The following LEF1 variants were observed in gnomAD, a reference collection of about 807,000 sequenced individuals.
The protein encoded by LEF1 is lymphoid enhancer-binding factor 1.
LEF1 carries 14 observed loss-of-function variants against 51.2 expected under a neutral mutation model. The observed-to-expected ratio is 0.27, with a 90% CI of 0.18 to 0.43. The LOEUF is 0.43. Among genes scored for constraint, LEF1 ranks in the 20% least tolerant of loss-of-function variants. The pLI, the probability that LEF1 is intolerant of heterozygous loss-of-function variation, is 1.00. For missense variants in LEF1, 386 were observed against 512.0 expected, an observed-to-expected ratio of 0.75 and a Z score of 2.37; for synonymous variants, 185 against 183.2, an observed-to-expected ratio of 1.01 and a Z score of -0.08.
intron 6 of LEF1, 121 bp downstream of exon 6, chr4:108,081,465 A>G: frequency 1.4e-6 from 1 of 727,676 alleles, no homozygotes. Flanking sequence ...CACTGCACAG[A>G]CAGACACATG....
chr4:108,091,092 T>C (rs886847653), intron 3 of LEF1, among the ~76,000 whole-genome samples: 1 of 152,186 alleles, frequency 6.6e-6, no homozygotes, highest in Non-Finnish European at 1.5e-5. Context: ...AAGATCTTAC[T>C]ATATTATTGA....
At chr4:108,078,867 A>ATGT (rs765585944) in intron 7 of LEF1, among the ~76,000 whole-genome samples, 3 of 152,154 alleles carry the variant, frequency 2.0e-5, no homozygotes, top group Non-Finnish European at 2.9e-5. Context: ...AAACAAATGC[A>ATGT]TGTTGCCTTT....
intron 3 of LEF1, among the ~76,000 whole-genome samples, chr4:108,159,993 T>A (rs1744967148): frequency 6.6e-6 from 1 of 152,238 alleles, no homozygotes; most frequent in South Asian, 2.1e-4. Flanking sequence ...TGTGGTTTGA[T>A]GTGACTGAGC....
chr4:108,148,554 G>T (rs1365559436), intron 3 of LEF1, among the ~76,000 whole-genome samples: 2 of 152,156 alleles, frequency 1.3e-5, no homozygotes, highest in Non-Finnish European at 2.9e-5. Context: ...CTCAGCTGTG[G>T]ATGTTTGCAC....
At chr4:108,109,840 T>C (rs1741412500) in intron 3 of LEF1, among the ~76,000 whole-genome samples, 1 of 152,116 alleles carries the variant, frequency 6.6e-6, no homozygotes, top group South Asian at 2.1e-4. Context: ...CAGGCTGAGA[T>C]GGGAGGCTCT....
At chr4:108,143,068 A>C (rs147866735) in intron 3 of LEF1, among the ~76,000 whole-genome samples, 1 of 152,334 alleles carries the variant, frequency 6.6e-6, no homozygotes, top group East Asian at 1.9e-4. Flanking sequence ...TGAAACACCA[A>C]GTAATTGGCG....
At position 108,113,970 on chromosome 4, in the gene LEF1, A is replaced by AGTTT. The variant is rs773641455; in HGVS notation, c.415-24714_415-24713insAAAC. 2.1e-3 allele frequency among the ~76,000 whole-genome samples: 324 copies of AGTTT among 152,382 alleles called. 3 individuals carry two copies. The highest frequency in any genetic ancestry group is 0.01 in the Middle Eastern group (3 of 294). Reference sequence around the variant, plus strand: ...ATATGAAGACAAAGAATAAAAAATAAACACATAAGTTTAAAGCAATCTGGA... The same window carrying AGTTT: ...ATATGAAGACAAAGAATAAAAAATAAGTTTACACATAAGTTTAAAGCAATCTGGA... On this transcript the variant is annotated intron_variant, in intron 3 of 11. Coordinates refer to ENST00000265165, the MANE Select transcript of LEF1 (RefSeq NM_016269.5).
intron 11 of LEF1, among the ~76,000 whole-genome samples, chr4:108,059,885 A>G (rs1026736032): frequency 1.3e-5 from 2 of 152,144 alleles, no homozygotes. Flanking sequence ...GGATCTTGCC[A>G]TGTTGCTCAG....
rs778164232 is a variant in LEF1, at chr4:108,083,373, G to T, written c.621C>A (p.Ile207=). 150 of 1,612,538 alleles carry T rather than the reference G, an allele frequency of 9.3e-5. No individual in the cohort carries two copies. Among genetic ancestry groups the T allele is most frequent in the Admixed American group, 1.3e-4 (8 of 59,994 alleles). ...YPLSPGGVGQ[I]TPPLGWQGQP... ...GTTCTTACCAGCCAAGAGGTGGGGT[G>T]ATCTGTCCAACACCACCCGGAGACA... The change falls in exon 5 of 12, where the codon ATC becomes ATA. Residue 207 remains isoleucine (I), a synonymous_variant. Coordinates refer to ENST00000265165, the MANE Select transcript of LEF1 (RefSeq NM_016269.5).
chr4:108,133,320 T>C (rs1743027418), intron 3 of LEF1, among the ~76,000 whole-genome samples: 1 of 152,124 alleles, frequency 6.6e-6, no homozygotes, highest in South Asian at 2.1e-4. Flanking sequence ...TAAATGAGAG[T>C]TTATCATGTA....
intron 3 of LEF1, among the ~76,000 whole-genome samples, chr4:108,152,099 T>TA (rs1413547574): frequency 6.6e-6 from 1 of 152,140 alleles, no homozygotes; most frequent in Non-Finnish European, 1.5e-5. Context: ...AGGGAGGACT[T>TA]ATGAGGACCC....
chr4:108,121,088 A>C (rs1742151813), intron 3 of LEF1, among the ~76,000 whole-genome samples: 1 of 152,192 alleles, frequency 6.6e-6, no homozygotes, highest in Admixed American at 6.5e-5. Context: ...CCATCTCATC[A>C]CTAGAATATT....
intron 3 of LEF1, among the ~76,000 whole-genome samples, chr4:108,114,403 G>A (rs1350712070): frequency 1.3e-5 from 2 of 152,140 alleles, no homozygotes; most frequent in East Asian, 3.8e-4. Context: ...CATCATCACA[G>A]TCAAAACAGC....
intron 3 of LEF1, among the ~76,000 whole-genome samples, chr4:108,156,319 C>A (rs1744697132): frequency 6.6e-6 from 1 of 152,194 alleles, no homozygotes; most frequent in African/African-American, 2.4e-5. Context: ...ACTCTATATT[C>A]TATAAGGAGT....
intron 3 of LEF1, among the ~76,000 whole-genome samples, chr4:108,098,392 T>C (rs1740527692): frequency 6.6e-6 from 1 of 152,108 alleles, no homozygotes; most frequent in Non-Finnish European, 1.5e-5. Context: ...GTCCCACAGT[T>C]ACCCAGATAC....
rs1578419371 is a variant in LEF1 at position 108,167,876 on chromosome 4, G to C, written c.-109C>G. 8.2e-6 allele frequency: 8 copies of C among 973,492 alleles called. No individual in the cohort carries two copies. Among genetic ancestry groups the C allele is most frequent in the Non-Finnish European group, 1.1e-5 (7 of 658,890 alleles). 60.3% of individuals were successfully genotyped at this position (973,492 alleles called of 1,614,324 possible). A position where few individuals can be genotyped will look rare whatever the true frequency, so the allele number is the denominator to read the frequency against. On this transcript the variant is annotated 5_prime_UTR_variant, in exon 1 of 12. Transcript: ENST00000265165. The surrounding 1 kb of genome is among the most constrained non-coding windows in gnomAD (Gnocchi z 5.7). ...GAGGAAAGGAGAGTTGGAAGGGTTC[G>C]TGCAGCAGGACAGCGGGCGGAAGCG...
chr4:108,138,943 A>G (rs1743472435), intron 3 of LEF1, among the ~76,000 whole-genome samples: 1 of 152,244 alleles, frequency 6.6e-6, no homozygotes, highest in Admixed American at 6.5e-5. Context: ...GCCTGGAAGG[A>G]TAACAAGGAT....
intron 4 of LEF1, among the ~76,000 whole-genome samples, chr4:108,083,647 T>C (rs1471205140): frequency 2.6e-5 from 4 of 152,218 alleles, no homozygotes; most frequent in Admixed American, 6.5e-5. Flanking sequence ...GAGAGTATTA[T>C]CTTAAGGAAC....
At chr4:108,107,582 T>C (rs572466659) in intron 3 of LEF1, among the ~76,000 whole-genome samples, 38 of 152,274 alleles carry the variant, frequency 2.5e-4, no homozygotes, top group African/African-American at 7.5e-4. Context: ...TGAAATTTAT[T>C]TTGGATAGTC....
Sources: gnomAD v4.1 joint callset for allele counts (sites outside exome capture counted in the v4.1 genomes callset) on GRCh38, gnomAD v4.1.1 for gene constraint, Gnocchi (gnomAD v3.1) non-coding constraint, MANE v1.5 for transcripts, NCBI Gene and HGNC (gene_info 2026-07-23, HGNC 2026-07-21) for gene names.